Variants in PTPN13 observed in about 807,000 individuals in gnomAD.
The protein encoded by PTPN13 is protein tyrosine phosphatase non-receptor type 13.
Under a neutral mutation model 284.0 loss-of-function variants are expected in PTPN13, and 191 were observed. The ratio of observed to expected loss-of-function variants is 0.67; its 90% CI spans 0.60 to 0.76. The LOEUF (loss-of-function observed/expected upper bound fraction) is 0.76. Among genes scored for constraint, PTPN13 ranks in the 30% least tolerant of loss-of-function variants. The probability of loss-of-function intolerance (pLI) is 0.00; values close to 1 mark genes in which losing one functional copy is unlikely to be tolerated. For synonymous variants in PTPN13, 986 were observed against 1,022.3 expected (o/e 0.96, Z 0.68); for missense variants, 2,797 against 2,939.9 (o/e 0.95, Z 1.12).
chr4:86,715,214 G>A (rs1289063142), intron 7 of PTPN13, among the ~76,000 whole-genome samples: 1 of 150,566 alleles, frequency 6.6e-6, no homozygotes, highest in Non-Finnish European at 1.5e-5. Flanking sequence ...TTGTGTTTGT[G>A]TGTATGTGTG....
At chr4:86,808,139 G>A (rs911038755) in intron 45 of PTPN13, among the ~76,000 whole-genome samples, 4 of 152,182 alleles carry the variant, frequency 2.6e-5, no homozygotes, top group Non-Finnish European at 5.9e-5. Context: ...AAATGAAAAT[G>A]CAGGACTTTT....
rs539822848 is a variant in PTPN13, at chr4:86,776,193, G to A, written c.5891+541G>A. On this transcript the variant is annotated intron_variant, in intron 35 of 47. Transcript: ENST00000411767. ...ACTCCTGACCTCAGGTGATCCACCC[G>A]CCTTGGCCTCCCAAAGTGCTGGGAT... Among the ~76,000 whole-genome samples, 13 of 152,272 alleles carry A rather than the reference G, an allele frequency of 8.5e-5. No individual in the cohort carries two copies. The South Asian group carries it at 2.1e-3, about 24-fold the overall frequency.
At chr4:86,661,697 G>A (rs1726505310) in intron 2 of PTPN13, among the ~76,000 whole-genome samples, 6 of 152,196 alleles carry the variant, frequency 3.9e-5, no homozygotes, top group South Asian at 4.1e-4. Context: ...AGCCAGTTCC[G>A]CTCTGCAAAG....
chr4:86,732,323 C>A, intron 10 of PTPN13, 77 bp from the exon 11 acceptor site: 2 of 1,174,748 alleles, frequency 1.7e-6, no homozygotes, highest in Non-Finnish European at 2.4e-6. Flanking sequence ...ATTTATTATT[C>A]TTACATTATT....
At chr4:86,669,575 A>G (rs539774048) in intron 2 of PTPN13, among the ~76,000 whole-genome samples, 1 of 152,284 alleles carries the variant, frequency 6.6e-6, no homozygotes, top group Non-Finnish European at 1.5e-5. Context: ...ATAAATCTCT[A>G]CATTTTAGAG....
chr4:86,600,428 A>C (rs1764198812), intron 1 of PTPN13, among the ~76,000 whole-genome samples: 1 of 134,342 alleles, frequency 7.4e-6, no homozygotes, highest in Admixed American at 8.7e-5. Context: ...TTTTTACATA[A>C]CCACTTTTTT....
intron 10 of PTPN13, among the ~76,000 whole-genome samples, chr4:86,730,564 TGCTGCGCTAGCAGTGA>T (rs1183734428): frequency 6.7e-6 from 1 of 149,856 alleles, no homozygotes; most frequent in Non-Finnish European, 1.5e-5. Flanking sequence ...GATCTCAGAT[TGCTGCGCTAGCAGTGA>T]GCAAGGCTTC....
At chr4:86,627,457 T>A (rs1721964966) in intron 1 of PTPN13, among the ~76,000 whole-genome samples, 1 of 151,992 alleles carries the variant, frequency 6.6e-6, no homozygotes, top group Non-Finnish European at 1.5e-5. Flanking sequence ...GGCAGCTTCA[T>A]GGAACAAAGA....
chr4:86,657,850 G>A (rs1344079903), intron 2 of PTPN13, among the ~76,000 whole-genome samples: 1 of 152,180 alleles, frequency 6.6e-6, no homozygotes, highest in African/African-American at 2.4e-5. Flanking sequence ...AAAGTCCTCT[G>A]TGCTCTTCCC....
intron 38 of PTPN13, 51 bp downstream of exon 38, chr4:86,784,609 G>T: frequency 8.2e-7 from 1 of 1,217,562 alleles, no homozygotes; most frequent in Admixed American, 2.4e-5. Flanking sequence ...TAATAATTCA[G>T]GTAATTAAAA....
Position 86,762,256 on chromosome 4 carries a change from C to T in PTPN13, c.3554-471C>T, listed in dbSNP as rs142992879. ...CCAAAGTGCCGGGATTACAGGATTA[C>T]AGGCATGAGCCACTGCGCTTGGCCT... is the stretch of plus-strand genomic sequence containing the variant. On this transcript the variant is annotated intron_variant, in intron 23 of 47. Transcript: ENST00000411767. Among the ~76,000 whole-genome samples the T allele has an allele frequency of 1.5e-3, 223 of 152,282 alleles. 1 individual carries two copies. Among genetic ancestry groups the T allele is most frequent in the Non-Finnish European group, 2.2e-3 (148 of 68,020 alleles).
intron 3 of PTPN13, among the ~76,000 whole-genome samples, chr4:86,685,167 T>A (rs569386027): frequency 6.6e-6 from 1 of 152,332 alleles, no homozygotes; most frequent in Non-Finnish European, 1.5e-5. Context: ...TAAAAATATG[T>A]TGAGTTTTTT....
At chr4:86,741,877 A>T (rs1198906960) in intron 16 of PTPN13, 61 bp downstream of exon 16, 1 of 1,404,226 alleles carries the variant, frequency 7.1e-7, no homozygotes, top group African/African-American at 1.4e-5. Context: ...TTCCAATGTA[A>T]CATATTAACA....
At chr4:86,770,035 C>A in intron 29 of PTPN13, 52 bp downstream of exon 29, 5 of 1,610,502 alleles carry the variant, frequency 3.1e-6, no homozygotes, top group South Asian at 1.1e-5. Context: ...GATGGATTGG[C>A]CTTTCAGAAT....
chr4:86,688,305 T>C (rs1017403550), intron 4 of PTPN13, among the ~76,000 whole-genome samples: 2 of 152,190 alleles, frequency 1.3e-5, no homozygotes, highest in African/African-American at 4.8e-5. Flanking sequence ...GCTCCACTCC[T>C]TACCAATTCT....
rs1448335531 is a variant in PTPN13, at chr4:86,814,609, T to TG, written c.*59dup. On this transcript the variant is annotated 3_prime_UTR_variant, in exon 48 of 48. Transcript: ENST00000411767. ...CTCTCCTTAACCTCCAGCAGACTCCTGCTCTCTATCCAAAATAAAGATCAC... is the reference window on the plus strand; with the variant it reads ...CTCTCCTTAACCTCCAGCAGACTCCTGGCTCTCTATCCAAAATAAAGATCAC... 2 of 1,370,284 alleles carry TG rather than the reference T, an allele frequency of 1.5e-6. No homozygotes were observed. Among genetic ancestry groups the TG allele is most frequent in the African/African-American group, 2.9e-5 (2 of 69,432 alleles). 84.9% of individuals were successfully genotyped at this position (1,370,284 alleles called of 1,614,324 possible). A position where few individuals can be genotyped will look rare whatever the true frequency, so the allele number is the denominator to read the frequency against.
chr4:86,813,582 T>G (rs574493604), intron 47 of PTPN13, among the ~76,000 whole-genome samples: 1 of 152,176 alleles, frequency 6.6e-6, no homozygotes, highest in East Asian at 1.9e-4. Flanking sequence ...GTAGCTGGGA[T>G]TACAGGTGCC....
intron 3 of PTPN13, among the ~76,000 whole-genome samples, chr4:86,685,433 A>G (rs953058444): frequency 6.6e-6 from 1 of 152,174 alleles, no homozygotes; most frequent in East Asian, 1.9e-4. Flanking sequence ...ATATAGTGAG[A>G]TCCCATCTCT....
intron 1 of PTPN13, among the ~76,000 whole-genome samples, chr4:86,598,231 G>A (rs1258693218): frequency 6.6e-6 from 1 of 151,278 alleles, no homozygotes; most frequent in South Asian, 2.1e-4. Context: ...CTCTGCCCCC[G>A]ATCCTGGGTT....
Sources: allele counts gnomAD v4.1 joint callset (sites outside exome capture counted in the v4.1 genomes callset), GRCh38; gene constraint gnomAD v4.1.1; transcripts MANE v1.5; gene names NCBI Gene and HGNC (gene_info 2026-07-23, HGNC 2026-07-21).